The following GRM5 variants were observed in gnomAD, a reference collection of about 807,000 sequenced individuals.
GRM5 encodes the protein metabotropic glutamate receptor 5.
Under a neutral mutation model 83.1 loss-of-function variants are expected in GRM5, and 19 were observed. The observed-to-expected ratio is 0.23, with a 90% CI of 0.16 to 0.34. The LOEUF is 0.34. Ranked by LOEUF, GRM5 falls within the 10% of genes least tolerant of loss-of-function variation. The pLI is 1.00. For synonymous variants in GRM5, 675 were observed against 633.6 expected (o/e 1.07, Z -0.98); for missense variants, 1,160 against 1,588.3 (o/e 0.73, Z 4.58).
chr11:88,736,310 TTG>T (rs1456636876), intron 3 of GRM5, among the ~76,000 whole-genome samples: 1 of 152,088 alleles, frequency 6.6e-6, no homozygotes, highest in East Asian at 1.9e-4. Context: ...TGCGGGATCT[TTG>T]TGTTTTAATG....
chr11:88,902,024 A>C (rs1157662576), intron 2 of GRM5, among the ~76,000 whole-genome samples: 1 of 152,114 alleles, frequency 6.6e-6, no homozygotes, highest in African/African-American at 2.4e-5. Flanking sequence ...GCATGGCTAA[A>C]TTCTCTTTAT....
chr11:88,520,676 A>C (rs1246707152), intron 9 of GRM5, among the ~76,000 whole-genome samples: 1 of 152,136 alleles, frequency 6.6e-6, no homozygotes, highest in Non-Finnish European at 1.5e-5. Flanking sequence ...CTTGGTTCAT[A>C]ATAGGTGCTT....
chr11:88,561,495 A>C (rs1942753976), intron 8 of GRM5, among the ~76,000 whole-genome samples: 1 of 152,154 alleles, frequency 6.6e-6, no homozygotes. Context: ...CCCCAGTTCC[A>C]TGTGCCTGGA....
chr11:88,975,209 AAG>A (rs1160488206), intron 2 of GRM5, among the ~76,000 whole-genome samples: 4 of 152,234 alleles, frequency 2.6e-5, no homozygotes, highest in Non-Finnish European at 4.4e-5. Context: ...AGTATAAAGA[AAG>A]AGGACTATGA....
chr11:88,893,056 C>T (rs1037794073), intron 2 of GRM5, among the ~76,000 whole-genome samples: 14 of 151,608 alleles, frequency 9.2e-5, no homozygotes, highest in African/African-American at 3.4e-4. Context: ...CACAGTAGCA[C>T]CTTCTAACTG....
intron 3 of GRM5, among the ~76,000 whole-genome samples, chr11:88,752,169 G>T (rs1942289970): frequency 6.6e-6 from 1 of 152,140 alleles, no homozygotes; most frequent in Admixed American, 6.6e-5. Flanking sequence ...AATTATCTTT[G>T]TTTGCAGATG....
At chr11:88,984,904 T>C in intron 2 of GRM5, 1 of 641,026 alleles carries the variant, frequency 1.6e-6, no homozygotes, top group Non-Finnish European at 2.9e-6. Flanking sequence ...AATTTTATGT[T>C]GTTATCAATG....
rs1173018044 is a variant in GRM5 at position 88,567,487 on chromosome 11, G to A, written c.2196C>T (p.Ile732=). The change falls in exon 8 of 10, where the codon ATC becomes ATT. Residue 732 remains isoleucine (I), a synonymous_variant. Transcript: ENST00000305447. The surrounding 1 kb of genome is among the most constrained non-coding windows in gnomAD (Gnocchi z 7.3). ...CAACTCCTAGGTTGGTGGTGTTACA[G>A]ATCAGGTAGACTTCTCGAATGCTTG... is the stretch of plus-strand genomic sequence containing the variant. ...DYPSIREVYL[I]CNTTNLGVVT... 6.2e-7 allele frequency: 1 copy of A among 1,614,088 alleles called. No homozygotes were observed. The highest frequency in any genetic ancestry group is 1.1e-5 in the South Asian group (1 of 91,078).
rs189787895 is a variant in GRM5 at position 88,530,349 on chromosome 11, C to T, written c.2631-4945G>A. ...AGCTTTGACACTTTAGTTTATAGGC[C>T]AGAAGCTTGGCATGAAAAACTCTCA... On this transcript the variant is annotated intron_variant, in intron 8 of 9. Coordinates refer to ENST00000305447, the MANE Select transcript of GRM5 (RefSeq NM_001143831.3). Among the ~76,000 whole-genome samples the T allele has an allele frequency of 1.2e-4, 19 of 152,046 alleles. No homozygotes were observed. The East Asian group carries it at 3.5e-3, about 28-fold the overall frequency.
rs540184307 is a variant in GRM5 at position 88,848,562 on chromosome 11, CGTGTTAATAAAAAGATATATG to C, written c.911+1323_911+1343del. On this transcript the variant is annotated intron_variant, in intron 3 of 9. Transcript: ENST00000305447. ...TTTTTGCTGTTCTTTACACTGGCTA[CGTGTTAATAAAAAGATATATG>C]GTACATAATGTTTTAAAGGTATGCA... is the stretch of plus-strand genomic sequence containing the variant. Among the ~76,000 whole-genome samples the C allele has an allele frequency of 4.6e-5, 7 of 152,156 alleles. No individual in the cohort carries two copies. The South Asian group carries it at 1.5e-3, about 32-fold the overall frequency.
intron 9 of GRM5, among the ~76,000 whole-genome samples, chr11:88,524,300 C>G (rs1319170438): frequency 6.7e-6 from 1 of 149,096 alleles, no homozygotes; most frequent in African/African-American, 2.5e-5. Context: ...TCACTGCAAC[C>G]TCTGCCTCCT....
At chr11:88,844,301 C>T (rs1303138505) in intron 3 of GRM5, among the ~76,000 whole-genome samples, 3 of 151,864 alleles carry the variant, frequency 2.0e-5, no homozygotes, top group Non-Finnish European at 4.4e-5. Context: ...TGGGTGACAA[C>T]ACATCTCTTT....
At chr11:89,064,888 C>CTCTCTCTGTGTGTG (rs1218318990) in intron 1 of GRM5, among the ~76,000 whole-genome samples, 1 of 62,268 alleles carries the variant, frequency 1.6e-5, no homozygotes, top group African/African-American at 6.9e-5. Flanking sequence ...CTCTCTCTCT[C>CTCTCTCTGTGTGTG]TGTGTGTGTG....
chr11:88,975,690 C>G (rs1287082363), intron 2 of GRM5, among the ~76,000 whole-genome samples: 1 of 152,194 alleles, frequency 6.6e-6, no homozygotes, highest in African/African-American at 2.4e-5. Flanking sequence ...CCCCAGTTGA[C>G]TCATATGGGC....
At chr11:88,600,115 G>A (rs1937936968) in intron 5 of GRM5, among the ~76,000 whole-genome samples, 1 of 152,144 alleles carries the variant, frequency 6.6e-6, no homozygotes, top group Non-Finnish European at 1.5e-5. Flanking sequence ...GCAAAGATTA[G>A]TGTGTCATTC....
At chr11:88,771,444 G>T (rs1450024253) in intron 3 of GRM5, among the ~76,000 whole-genome samples, 1 of 152,116 alleles carries the variant, frequency 6.6e-6, no homozygotes, top group Non-Finnish European at 1.5e-5. Context: ...AAGTGCAGGA[G>T]TCCAAAGGCT....
At chr11:88,528,613 T>G (rs974480113) in intron 8 of GRM5, among the ~76,000 whole-genome samples, 2 of 152,002 alleles carry the variant, frequency 1.3e-5, no homozygotes, top group African/African-American at 4.8e-5. Flanking sequence ...ATAATAAATT[T>G]ATATATCAGA....
rs547844497 is a variant in GRM5 at position 88,774,199 on chromosome 11, ATTCCCT to A, written c.911+75701_911+75706del. ...TGTAAGTTGGATTCCTAGGCATTTT[ATTCCCT>A]TTGTAGCAACTGTGAATGGGAGTTC... On this transcript the variant is annotated intron_variant, in intron 3 of 9. Transcript: ENST00000305447. Among the ~76,000 whole-genome samples the A allele has an allele frequency of 3.0e-4, 46 of 152,200 alleles. 1 individual carries two copies. Among genetic ancestry groups the A allele is most frequent in the Admixed American group, 2.6e-3 (40 of 15,284 alleles).
intron 4 of GRM5, among the ~76,000 whole-genome samples, chr11:88,606,354 C>T (rs1938143185): frequency 6.6e-6 from 1 of 152,140 alleles, no homozygotes; most frequent in South Asian, 2.1e-4. Flanking sequence ...GAAACCCTGT[C>T]TCTACTAAAA....
Sources: gnomAD v4.1 joint callset for allele counts (sites outside exome capture counted in the v4.1 genomes callset) on GRCh38, gnomAD v4.1.1 for gene constraint, Gnocchi (gnomAD v3.1) non-coding constraint, MANE v1.5 for transcripts, NCBI Gene and HGNC (gene_info 2026-07-23, HGNC 2026-07-21) for gene names.